Variants in ADAMTSL1 observed in about 807,000 individuals in gnomAD.
ADAMTSL1 encodes the protein ADAMTS like 1.
ADAMTSL1 carries 126 observed loss-of-function variants against 201.8 expected under a neutral mutation model. The observed-to-expected ratio is 0.62, with a 90% CI of 0.54 to 0.72. ADAMTSL1 has a LOEUF of 0.72. Ranked by LOEUF, ADAMTSL1 falls within the 30% of genes least tolerant of loss-of-function variation. The probability of loss-of-function intolerance (pLI) is 0.00; values close to 1 mark genes in which losing one functional copy is unlikely to be tolerated. For missense variants in ADAMTSL1, 2,679 were observed against 2,277.8 expected, an observed-to-expected ratio of 1.18 and a Z score of -3.59; for synonymous variants, 1,121 against 903.4, an observed-to-expected ratio of 1.24 and a Z score of -4.32.
At chr9:18,878,657 G>T (rs1035282047) in intron 23 of ADAMTSL1, among the ~76,000 whole-genome samples, 1 of 152,248 alleles carries the variant, frequency 6.6e-6, no homozygotes, top group African/African-American at 2.4e-5. Flanking sequence ...GGCACCTGCA[G>T]TGGCAAGCTG....
chr9:18,394,745 C>G (rs1817680639), intron 2 of ADAMTSL1, among the ~76,000 whole-genome samples: 2 of 152,194 alleles, frequency 1.3e-5, no homozygotes, highest in Admixed American at 1.3e-4. Flanking sequence ...TAGTTACCAA[C>G]TCTCCACTTT....
At chr9:18,223,219 G>A (rs931834270) in intron 2 of ADAMTSL1, among the ~76,000 whole-genome samples, 4 of 151,958 alleles carry the variant, frequency 2.6e-5, no homozygotes, top group African/African-American at 9.7e-5. Context: ...AATTTTTTGA[G>A]CACGAACATG....
At chr9:18,769,723 A>G (rs1413515296) in intron 16 of ADAMTSL1, among the ~76,000 whole-genome samples, 1 of 152,214 alleles carries the variant, frequency 6.6e-6, no homozygotes, top group African/African-American at 2.4e-5. Flanking sequence ...GAAAGCACAC[A>G]CAACCCTTCC....
chr9:18,115,989 G>A (rs1825232876), intron 1 of ADAMTSL1, among the ~76,000 whole-genome samples: 1 of 152,092 alleles, frequency 6.6e-6, no homozygotes, highest in Non-Finnish European at 1.5e-5. Flanking sequence ...ACTAAGTTGT[G>A]CCTTATAAAA....
chr9:18,403,156 CT>C lies in ADAMTSL1; in HGVS notation c.208-101662del, dbSNP rs372233930. 8.6e-3 allele frequency among the ~76,000 whole-genome samples: 1,284 copies of C among 148,486 alleles called. 21 individuals carry two copies. Among genetic ancestry groups the C allele is most frequent in the African/African-American group, 0.029 (1,163 of 40,366 alleles). ...TCACATTTTCTCATTTTCTTGTAAT[CT>C]TTTTTTTTTTATTTTTCCCCATTTT... On this transcript the variant is annotated intron_variant, in intron 2 of 29. Coordinates refer to the ADAMTSL1 transcript ENST00000680146.
At chr9:18,180,532 C>CAAAAAAAAAAAAAAAAA (rs71333030) in intron 2 of ADAMTSL1, among the ~76,000 whole-genome samples, 1 of 92,148 alleles carries the variant, frequency 1.1e-5, no homozygotes, top group Non-Finnish European at 2.0e-5. Flanking sequence ...GACTCCGTGT[C>CAAAAAAAAAAAAAAAAA]AAAAAAAAAA....
intron 2 of ADAMTSL1, among the ~76,000 whole-genome samples, chr9:18,267,280 T>C (rs1019695931): frequency 3.9e-5 from 6 of 152,126 alleles, no homozygotes; most frequent in African/African-American, 1.4e-4. Context: ...TACTTCATAG[T>C]ATGAGTATCA....
At chr9:18,740,649 G>C (rs1818777630) in intron 15 of ADAMTSL1, among the ~76,000 whole-genome samples, 2 of 151,668 alleles carry the variant, frequency 1.3e-5, no homozygotes, top group South Asian at 4.2e-4. Context: ...GATCATTTTT[G>C]TATTTTTAAT....
In ADAMTSL1 at chr9:18,636,133, T is replaced by C. The variant is rs1827097735; in HGVS notation, c.676+116T>C. ...TACAAATCTTTCTACTCTATCATAA[T>C]ATGATATTTTGAGTACCTCTGTTTA... On this transcript the variant is annotated intron_variant, in intron 6 of 28. Transcript: ENST00000380548. The C allele has an allele frequency of 6.9e-6, 6 of 873,456 alleles. 1 individual carries two copies. 54.1% of individuals were successfully genotyped at this position (873,456 alleles called of 1,614,324 possible).
chr9:18,394,804 A>AT lies in ADAMTSL1; in HGVS notation c.208-110018dup, dbSNP rs1242347021. ...ACAGCAGGTCTGAAAAAAGGAAAGC[A>AT]TTTTTTTGCATTATGCTATTAAATG... On this transcript the variant is annotated intron_variant, in intron 2 of 29. Coordinates refer to the ADAMTSL1 transcript ENST00000680146. 2.0e-5 allele frequency among the ~76,000 whole-genome samples: 3 copies of AT among 152,096 alleles called. No individual in the cohort carries two copies. The South Asian group carries it at 6.2e-4, about 31-fold the overall frequency.
chr9:18,804,353 A>G (rs1720334540), intron 20 of ADAMTSL1, among the ~76,000 whole-genome samples: 1 of 152,184 alleles, frequency 6.6e-6, no homozygotes, highest in South Asian at 2.1e-4. Context: ...GGGTAAATAG[A>G]GCTGACTATT....
At chr9:18,414,831 A>T (rs1404229140) in intron 2 of ADAMTSL1, among the ~76,000 whole-genome samples, 5 of 152,224 alleles carry the variant, frequency 3.3e-5, no homozygotes, top group Admixed American at 6.5e-5. Flanking sequence ...AAAACCACAC[A>T]TTATCAGTAA....
At position 18,150,412 on chromosome 9, in the gene ADAMTSL1, T is replaced by C. The variant is rs374561690; in HGVS notation, c.88-13450T>C. ...GGTGAAATGAAGACTGGAAAATGCC[T>C]ATTACATTTGGTATCTAGGAAGATA... On this transcript the variant is annotated intron_variant, in intron 1 of 29. Coordinates refer to the ADAMTSL1 transcript ENST00000680146. Among the ~76,000 whole-genome samples the C allele has an allele frequency of 5.9e-5, 9 of 152,106 alleles. No homozygotes were observed. The East Asian group carries it at 1.4e-3, about 23-fold the overall frequency.
chr9:18,455,770 A>G (rs1431945368), intron 2 of ADAMTSL1, among the ~76,000 whole-genome samples: 1 of 150,494 alleles, frequency 6.6e-6, no homozygotes, highest in Non-Finnish European at 1.5e-5. Context: ...CACCCCCAAA[A>G]TGTACATACA....
chr9:18,034,142 A>G (rs1407334089), intron 1 of ADAMTSL1, among the ~76,000 whole-genome samples: 2 of 152,150 alleles, frequency 1.3e-5, no homozygotes, highest in Non-Finnish European at 2.9e-5. Flanking sequence ...ACCTTAAAAC[A>G]ATCATAAAAA....
chr9:18,436,615 G>T (rs1365072896), intron 2 of ADAMTSL1, among the ~76,000 whole-genome samples: 2 of 152,016 alleles, frequency 1.3e-5, no homozygotes, highest in African/African-American at 4.8e-5. Flanking sequence ...AACTGCCCTT[G>T]CCCAGGTCAC....
At chr9:18,597,165 C>A (rs910854662) in intron 4 of ADAMTSL1, among the ~76,000 whole-genome samples, 2 of 152,174 alleles carry the variant, frequency 1.3e-5, no homozygotes, top group Non-Finnish European at 2.9e-5. Flanking sequence ...TCTTGATGAC[C>A]AAGCCCTCCC....
At chr9:18,383,617 G>A (rs931838046) in intron 2 of ADAMTSL1, among the ~76,000 whole-genome samples, 1 of 152,104 alleles carries the variant, frequency 6.6e-6, no homozygotes, top group Non-Finnish European at 1.5e-5. Flanking sequence ...TCAGATGATG[G>A]AAGCATCCTG....
intron 3 of ADAMTSL1, among the ~76,000 whole-genome samples, chr9:18,553,222 T>C (rs1359434312): frequency 2.7e-5 from 4 of 150,844 alleles, no homozygotes; most frequent in Non-Finnish European, 4.5e-5. Context: ...TTTTTTTTTT[T>C]TTTCTTATTA....
Sources: gnomAD v4.1 joint callset for allele counts (sites outside exome capture counted in the v4.1 genomes callset) on GRCh38, gnomAD v4.1.1 for gene constraint, MANE v1.5 for transcripts, NCBI Gene and HGNC (gene_info 2026-07-23, HGNC 2026-07-21) for gene names.